HMCN1: variants seen among roughly 807,000 people sequenced by gnomAD.
HMCN1 encodes the protein hemicentin-1.
A neutral mutation model predicts 625.9 loss-of-function variants in HMCN1; 321 were observed. The observed-to-expected ratio is 0.51, with a 90% CI of 0.47 to 0.56. HMCN1 has a LOEUF of 0.56. Among genes scored for constraint, HMCN1 ranks in the 20% least tolerant of loss-of-function variants. The pLI, the probability that HMCN1 is intolerant of heterozygous loss-of-function variation, is 0.00. For synonymous variants in HMCN1, 2,425 were observed against 2,417.6 expected, an observed-to-expected ratio of 1.00 and a Z score of -0.09; for missense variants, 6,588 against 6,887.3, an observed-to-expected ratio of 0.96 and a Z score of 1.54.
At chr1:186,029,162 T>C (rs185958017) in intron 36 of HMCN1, among the ~76,000 whole-genome samples, 167 of 152,340 alleles carry the variant, frequency 1.1e-3, no homozygotes, top group Non-Finnish European at 2.4e-4. Flanking sequence ...AAAAAAATGC[T>C]TAGCAATAAT....
intron 48 of HMCN1, 55 bp downstream of exon 48, chr1:186,062,655 G>T: frequency 8.7e-7 from 1 of 1,144,042 alleles, no homozygotes; most frequent in Non-Finnish European, 1.3e-6. Flanking sequence ...GATAGTCATT[G>T]CCTCCACTAT....
At chr1:185,766,382 C>G (rs1022339319) in intron 1 of HMCN1, among the ~76,000 whole-genome samples, 2 of 152,090 alleles carry the variant, frequency 1.3e-5, no homozygotes, top group Non-Finnish European at 2.9e-5. Flanking sequence ...GAGCCCAAGG[C>G]CTACCCATGG....
At chr1:185,969,284 G>A (rs974124022) in intron 14 of HMCN1, among the ~76,000 whole-genome samples, 6 of 152,178 alleles carry the variant, frequency 3.9e-5, no homozygotes, top group Admixed American at 3.9e-4. Flanking sequence ...GAGTTTAAAA[G>A]CATGATTGAG....
At chr1:186,121,760 C>A (rs560939287) in intron 80 of HMCN1, among the ~76,000 whole-genome samples, 1 of 151,966 alleles carries the variant, frequency 6.6e-6, no homozygotes, top group African/African-American at 2.4e-5. Flanking sequence ...AGCGTTAAAC[C>A]CACAAGACTG....
Position 185,868,067 on chromosome 1 carries a change from T to TA in HMCN1, c.621+2216dup, listed in dbSNP as rs572342636. On this transcript the variant is annotated intron_variant, in intron 4 of 106. Transcript: ENST00000271588. ...CTGGGCAACTGAGTGAGACTCCATC[T>TA]AAAAAAAAAAAATTCCAAAACAAAT... 1.2e-3 allele frequency among the ~76,000 whole-genome samples: 170 copies of TA among 144,796 alleles called. 4 individuals carry two copies. In the South Asian group the frequency reaches 0.027, roughly 23 times the overall value. 95.0% of individuals were successfully genotyped at this position (144,796 alleles called of 152,430 possible). A position where few individuals can be genotyped will look rare whatever the true frequency, so the allele number is the denominator to read the frequency against.
chr1:186,136,781 C>G lies in HMCN1; in HGVS notation c.13426C>G (p.Gln4476Glu). The G allele has an allele frequency of 6.2e-7, 1 of 1,614,010 alleles. No individual in the cohort carries two copies. The highest frequency in any genetic ancestry group is 8.5e-7 in the Non-Finnish European group (1 of 1,179,954). ...TCAACCAACCATTACATGGTCCCGT[C>G]AAGGGCACTCTATTTCCTGGGATGA... ...EPQPTITWSR[Q>E]GHSISWDDRV... The change falls in exon 87 of 107, where the codon CAA becomes GAA. Residue 4476 changes from glutamine (Q) to glutamate (E), a missense_variant. Coordinates refer to ENST00000271588, the MANE Select transcript of HMCN1 (RefSeq NM_031935.3).
chr1:185,792,883 T>G (rs1208728078), intron 1 of HMCN1, among the ~76,000 whole-genome samples: 2 of 152,190 alleles, frequency 1.3e-5, no homozygotes, highest in Non-Finnish European at 2.9e-5. Context: ...AAATGGGTGA[T>G]TATTAATATA....
chr1:186,084,245 C>A (rs2102390018), intron 57 of HMCN1, among the ~76,000 whole-genome samples: 1 of 152,140 alleles, frequency 6.6e-6, no homozygotes, highest in Non-Finnish European at 1.5e-5. Flanking sequence ...AGAATGGTGT[C>A]TATAGTTGTG....
At position 185,994,947 on chromosome 1, in the gene HMCN1, T is replaced by C. The variant is rs778182951; in HGVS notation, c.3638T>C (p.Val1213Ala). 6.2e-7 allele frequency: 1 copy of C among 1,613,940 alleles called. No individual in the cohort carries two copies. The change falls in exon 24 of 107, where the codon GTT (valine) becomes GCT (alanine). Residue 1213 changes from valine (V) to alanine (A), a missense_variant. Transcript: ENST00000271588. ...TCCAAAGGTGGAAGCACTATGCTGG[T>C]TGATGGAGAGCACCATGTTAGCAAT... The part of the protein sequence containing the change: ...TWSKGGSTML[V>A]DGEHHVSNPD...
At chr1:186,125,128 A>G (rs6702313) in intron 81 of HMCN1, among the ~76,000 whole-genome samples, 71,910 of 151,544 alleles carry the variant, frequency 0.47, 18,329 homozygotes, top group African/African-American at 0.65. Context: ...TGCAATAAGT[A>G]TTTTTTTTTC....
Position 186,055,425 on chromosome 1 carries a change from C to G in HMCN1, c.6895C>G (p.Pro2299Ala). The change falls in exon 45 of 107, where the codon CCT (proline) becomes GCT (alanine). Residue 2299 changes from proline (P) to alanine (A), a missense_variant. Pro to Ala is a conservative substitution (Grantham distance 27). Coordinates refer to ENST00000271588, the MANE Select transcript of HMCN1 (RefSeq NM_031935.3). ...RPTITNSGSH[P>A]TEIIVTRGKS... Reference sequence around the variant, plus strand: ...AACCATAACCAACAGTGGCAGCCACCCTACTGAAATTATTGTGACCCGAGG... The same window carrying G: ...AACCATAACCAACAGTGGCAGCCACGCTACTGAAATTATTGTGACCCGAGG... The G allele has an allele frequency of 6.2e-7, 1 of 1,612,612 alleles. No homozygotes were observed. The highest frequency in any genetic ancestry group is 8.5e-7 in the Non-Finnish European group (1 of 1,179,120).
intron 4 of HMCN1, among the ~76,000 whole-genome samples, chr1:185,891,971 TTC>T (rs1665122487): frequency 2.0e-5 from 3 of 151,224 alleles, no homozygotes; most frequent in Non-Finnish European, 2.9e-5. Context: ...ATTTGGTCTT[TTC>T]ACATAGTCCC....
chr1:185,984,311 A>T lies in HMCN1; in HGVS notation c.2933A>T (p.His978Leu). 1.9e-6 allele frequency: 3 copies of T among 1,613,916 alleles called. No individual in the cohort carries two copies. The highest frequency in any genetic ancestry group is 2.5e-6 in the Non-Finnish European group (3 of 1,179,862). ...AACAAAACTACCTCTGTGGTTGTGC[A>T]TGGTAAGAGACACACCCAATGTTAT... ...TNNKTTSVVV[H>L]VLPTIQHGQQ... The change falls in exon 19 of 107, where the codon CAT becomes CTT. Residue 978 changes from histidine (H) to leucine (L), a missense_variant and splice_region_variant. His to Leu is a moderately conservative substitution (Grantham distance 99). This residue lies in a region of HMCN1 where 4,628 missense variants were observed against 4,853.1 expected (regional missense o/e 0.95). Coordinates refer to ENST00000271588, the MANE Select transcript of HMCN1 (RefSeq NM_031935.3).
intron 1 of HMCN1, among the ~76,000 whole-genome samples, chr1:185,779,560 C>T (rs1165727870): frequency 1.3e-5 from 2 of 152,218 alleles, no homozygotes; most frequent in African/African-American, 4.8e-5. Context: ...CAGCTTTCTA[C>T]ATATGGCTAG....
intron 1 of HMCN1, among the ~76,000 whole-genome samples, chr1:185,794,399 G>A (rs2102208189): frequency 6.7e-6 from 1 of 150,290 alleles, no homozygotes; most frequent in East Asian, 1.9e-4. Context: ...ACAATCACAA[G>A]ATCTCACAAT....
intron 59 of HMCN1, 25 bp downstream of exon 59, chr1:186,087,355 A>G: frequency 3.7e-6 from 6 of 1,603,836 alleles, no homozygotes; most frequent in Non-Finnish European, 5.1e-6. Flanking sequence ...TCTTCATAAA[A>G]TTCTTTTATT....
At chr1:185,986,457 G>A (rs979325823) in intron 19 of HMCN1, among the ~76,000 whole-genome samples, 1 of 152,098 alleles carries the variant, frequency 6.6e-6, no homozygotes, top group African/African-American at 2.4e-5. Flanking sequence ...TTCTCACTAT[G>A]TTAGGAACTT....
chr1:185,736,888 A>G (rs550955192), intron 1 of HMCN1, among the ~76,000 whole-genome samples: 1 of 152,336 alleles, frequency 6.6e-6, no homozygotes, highest in South Asian at 2.1e-4. Context: ...AATTGGTTTC[A>G]TAAACTTAAT....
chr1:185,891,911 A>G (rs1459601285), intron 4 of HMCN1, among the ~76,000 whole-genome samples: 2 of 148,562 alleles, frequency 1.3e-5, no homozygotes, highest in Admixed American at 6.6e-5. Context: ...ACTGTTTTCC[A>G]ACTTGGTTCC....
Sources: gnomAD v4.1 joint callset for allele counts (sites outside exome capture counted in the v4.1 genomes callset) on GRCh38, gnomAD v4.1.1 for gene constraint, gnomAD v4.1.1 regional missense constraint, MANE v1.5 for transcripts, NCBI Gene and HGNC (gene_info 2026-07-23, HGNC 2026-07-21) for gene names.